CARM1: variants seen among roughly 807,000 people sequenced by gnomAD.
The protein encoded by CARM1 is histone-arginine methyltransferase CARM1.
Under a neutral mutation model 72.7 loss-of-function variants are expected in CARM1, and 14 were observed. The ratio of observed to expected loss-of-function variants is 0.19; its 90% CI spans 0.13 to 0.30. The LOEUF is 0.30. CARM1 is among the 10% of genes least tolerant of loss of function. The pLI, the probability that CARM1 is intolerant of heterozygous loss-of-function variation, is 1.00. For missense variants in CARM1, 432 were observed against 833.7 expected, an observed-to-expected ratio of 0.52 and a Z score of 5.93; for synonymous variants, 333 against 345.5, an observed-to-expected ratio of 0.96 and a Z score of 0.40.
intron 1 of CARM1, among the ~76,000 whole-genome samples, chr19:10,902,410 C>T (rs2074073222): frequency 6.6e-6 from 1 of 150,598 alleles, no homozygotes; most frequent in African/African-American, 2.4e-5. Flanking sequence ...TCTCCTGCCT[C>T]AGCCTCCTGA....
Position 10,892,064 on chromosome 19 carries a change from C to T in CARM1, c.221-12887C>T, listed in dbSNP as rs148100586. Among the ~76,000 whole-genome samples, 18 of 152,342 alleles carry T rather than the reference C, an allele frequency of 1.2e-4. No homozygotes were observed. The East Asian group carries it at 2.9e-3, about 24-fold the overall frequency. ...ACACCTGTGGTGCGTAGGTTTTACA[C>T]CACTCTGTGCCTTACGTTGTGGCTC... On this transcript the variant is annotated intron_variant, in intron 1 of 15. Transcript: ENST00000327064.
intron 1 of CARM1, among the ~76,000 whole-genome samples, chr19:10,900,103 G>C (rs1464759806): frequency 6.6e-6 from 1 of 152,126 alleles, no homozygotes; most frequent in East Asian, 1.9e-4. Context: ...AGCCCCAGGA[G>C]TTTCAGACTA....
intron 1 of CARM1, among the ~76,000 whole-genome samples, chr19:10,877,039 C>A (rs2073869881): frequency 6.6e-6 from 1 of 152,162 alleles, no homozygotes; most frequent in Admixed American, 6.6e-5. Context: ...CAGAGAAAAA[C>A]CCTTTGTCCA....
At chr19:10,900,050 T>A (rs1031613759) in intron 1 of CARM1, among the ~76,000 whole-genome samples, 10 of 152,096 alleles carry the variant, frequency 6.6e-5, no homozygotes, top group Non-Finnish European at 1.3e-4. Context: ...AATTCACACC[T>A]GTAATCCCAG....
intron 1 of CARM1, among the ~76,000 whole-genome samples, chr19:10,884,661 C>T (rs1035064377): frequency 2.0e-5 from 3 of 152,114 alleles, no homozygotes; most frequent in African/African-American, 7.2e-5. Flanking sequence ...ATTCTAGGCC[C>T]CTCCTGTGTC....
chr19:10,894,395 G>T (rs1295620214), intron 1 of CARM1, among the ~76,000 whole-genome samples: 1 of 152,144 alleles, frequency 6.6e-6, no homozygotes, highest in Admixed American at 6.5e-5. Context: ...TGTGGGATGG[G>T]AGTTGGCCAC....
At chr19:10,894,414 G>A (rs1024209008) in intron 1 of CARM1, among the ~76,000 whole-genome samples, 4 of 152,158 alleles carry the variant, frequency 2.6e-5, no homozygotes, top group Middle Eastern at 3.4e-3. Context: ...ACGGGGGGTC[G>A]GGGTGTCTCC....
intron 1 of CARM1, among the ~76,000 whole-genome samples, chr19:10,888,885 C>T (rs2073961308): frequency 6.6e-6 from 1 of 152,180 alleles, no homozygotes; most frequent in Admixed American, 6.5e-5. Flanking sequence ...CTTGGGGTTG[C>T]CCTTCGCACA....
chr19:10,890,784 T>C (rs1233964727), intron 1 of CARM1, among the ~76,000 whole-genome samples: 15 of 97,294 alleles, frequency 1.5e-4, no homozygotes, highest in African/African-American at 5.7e-4. Flanking sequence ...CATATATATA[T>C]ATATATATAT....
At chr19:10,891,431 C>T (rs1172028449) in intron 1 of CARM1, among the ~76,000 whole-genome samples, 1 of 152,154 alleles carries the variant, frequency 6.6e-6, no homozygotes, top group African/African-American at 2.4e-5. Flanking sequence ...CCCCGATGCC[C>T]TTGGGCTGAC....
chr19:10,920,538 G>A lies in CARM1; in HGVS notation c.1299G>A (p.Thr433=), dbSNP rs1030064522. The change falls in exon 11 of 16, where the codon ACG becomes ACA. Residue 433 remains threonine (T), a synonymous_variant. Coordinates refer to ENST00000327064, the MANE Select transcript of CARM1 (RefSeq NM_199141.2). This position sits in a 1 kb window ranked among gnomAD's most constrained non-coding sequence, Gnocchi z 5.3. ...QSPLFAKAGD[T]LSGTCLLIAN... is the part of the protein sequence containing the mutation. ...CACTGTTCGCCAAGGCAGGGGACAC[G>A]CTCTCAGGGACATGTCTGCTTATTG... 2.5e-6 allele frequency: 4 copies of A among 1,613,972 alleles called. No homozygotes were observed. The highest frequency in any genetic ancestry group is 2.2e-5 in the South Asian group (2 of 91,084).
chr19:10,919,691 C>T lies in CARM1; in HGVS notation c.1106+11C>T. 1 of 1,604,052 alleles carries T rather than the reference C, an allele frequency of 6.2e-7. No individual in the cohort carries two copies. The highest frequency in any genetic ancestry group is 8.5e-7 in the Non-Finnish European group (1 of 1,170,932). On this transcript the variant is annotated intron_variant, in intron 9 of 15. Coordinates refer to ENST00000327064, the MANE Select transcript of CARM1 (RefSeq NM_199141.2). ...AGGAGATTTGCACAGGTACTGGCACCCACACTCCATCCTCCCAGGCCTGGC... is the reference window on the plus strand; with the variant it reads ...AGGAGATTTGCACAGGTACTGGCACTCACACTCCATCCTCCCAGGCCTGGC...
At chr19:10,918,474 C>G (rs148716593) in intron 8 of CARM1, among the ~76,000 whole-genome samples, 1 of 152,178 alleles carries the variant, frequency 6.6e-6, no homozygotes, top group Non-Finnish European at 1.5e-5. Context: ...CCGTCCGCCT[C>G]GGCCTCCCAA....
chr19:10,913,851 G>T (rs1398239579), intron 5 of CARM1, 26 bp from the exon 6 acceptor site: 1 of 1,602,148 alleles, frequency 6.2e-7, no homozygotes, highest in Admixed American at 1.7e-5. Flanking sequence ...ACGCAGGGAA[G>T]CCCACATGGC....
At position 10,921,729 on chromosome 19, in the gene CARM1, C is replaced by T. The variant is rs536915842; in HGVS notation, c.1799C>T (p.Pro600Leu). 7 of 1,611,788 alleles carry T rather than the reference C, an allele frequency of 4.3e-6. No individual in the cohort carries two copies. Among genetic ancestry groups the T allele is most frequent in the Admixed American group, 1.7e-5 (1 of 59,782 alleles). The part of the protein sequence containing the change: ...AISMASPMSI[P>L]TNTMHYGS ...TCCATGGCGTCGCCCATGTCCATCCCGACCAACACCATGCACTACGGGAGC... is the reference window on the plus strand; with the variant it reads ...TCCATGGCGTCGCCCATGTCCATCCTGACCAACACCATGCACTACGGGAGC... The change falls in exon 16 of 16, where the codon CCG becomes CTG. Residue 600 changes from proline to leucine, a missense_variant. By Grantham distance (98) the Pro-to-Leu change is moderately conservative. This residue lies in a region of CARM1 where 142 missense variants were observed against 188.7 expected (regional missense o/e 0.75). Transcript: ENST00000327064.
intron 1 of CARM1, among the ~76,000 whole-genome samples, chr19:10,874,489 C>G (rs1301505087): frequency 6.6e-6 from 1 of 151,842 alleles, no homozygotes; most frequent in Admixed American, 6.6e-5. Context: ...CCTTCCATGG[C>G]TAAAGTGATC....
intron 8 of CARM1, among the ~76,000 whole-genome samples, chr19:10,918,813 T>C (rs2074218114): frequency 6.6e-6 from 1 of 152,176 alleles, no homozygotes; most frequent in African/African-American, 2.4e-5. Context: ...AAGGGCTCCC[T>C]CCAGAAAGGG....
At chr19:10,900,550 A>G (rs1371632845) in intron 1 of CARM1, among the ~76,000 whole-genome samples, 1 of 152,104 alleles carries the variant, frequency 6.6e-6, no homozygotes, top group East Asian at 1.9e-4. Context: ...CATTTTATAG[A>G]TAAGCCATAT....
intron 1 of CARM1, among the ~76,000 whole-genome samples, chr19:10,886,011 C>G (rs913544183): frequency 6.7e-6 from 1 of 149,320 alleles, no homozygotes; most frequent in South Asian, 2.1e-4. Flanking sequence ...GTAGCTGGGA[C>G]GGCAGGTGGC....
Sources: allele counts gnomAD v4.1 joint callset (sites outside exome capture counted in the v4.1 genomes callset), GRCh38; gene constraint gnomAD v4.1.1; regional missense constraint gnomAD v4.1.1; non-coding constraint Gnocchi (gnomAD v3.1); transcripts MANE v1.5; gene names NCBI Gene and HGNC (gene_info 2026-07-23, HGNC 2026-07-21).